MOXD1: variants seen among roughly 807,000 people sequenced by gnomAD.
MOXD1 encodes the protein DBH-like monooxygenase protein 1.
A neutral mutation model predicts 66.6 loss-of-function variants in MOXD1; 62 were observed. The observed-to-expected ratio is 0.93, with a 90% CI of 0.76 to 1.15. The LOEUF is 1.15. MOXD1 is among the 50% of genes most tolerant of loss of function. The probability of loss-of-function intolerance (pLI) is 0.00; values close to 1 mark genes in which losing one functional copy is unlikely to be tolerated. For missense variants in MOXD1, 847 were observed against 754.6 expected, an observed-to-expected ratio of 1.12 and a Z score of -1.44; for synonymous variants, 303 against 281.9, an observed-to-expected ratio of 1.07 and a Z score of -0.75.
intron 1 of MOXD1, among the ~76,000 whole-genome samples, chr6:132,397,487 T>G (rs1776911714): frequency 6.6e-6 from 1 of 152,168 alleles, no homozygotes; most frequent in Non-Finnish European, 1.5e-5. Context: ...CAGATTAGGC[T>G]GTCTATAAGA....
At chr6:132,386,334 G>A (rs1305353409) in intron 1 of MOXD1, among the ~76,000 whole-genome samples, 1 of 149,500 alleles carries the variant, frequency 6.7e-6, no homozygotes, top group African/African-American at 2.5e-5. Context: ...CCCGGGAGGC[G>A]GAGCTTGCAG....
intron 4 of MOXD1, among the ~76,000 whole-genome samples, chr6:132,331,732 CCA>C (rs1775323257): frequency 6.6e-6 from 1 of 152,164 alleles, no homozygotes; most frequent in Non-Finnish European, 1.5e-5. Context: ...GCCCAAAGTA[CCA>C]CAGCTGGGAA....
At position 132,303,865 on chromosome 6, in the gene MOXD1, ATATATATATATATACATATAT is replaced by A. The variant is rs1562276494; in HGVS notation, c.1509-5931_1509-5911del. Among the ~76,000 whole-genome samples the A allele has an allele frequency of 2.9e-3, 170 of 58,312 alleles. 2 individuals are homozygous for A. The highest frequency in any genetic ancestry group is 0.028 in the African/African-American group (167 of 5,922). 38.3% of individuals were successfully genotyped at this position (58,312 alleles called of 152,430 possible). Reference sequence around the variant, plus strand: ...TATATATATATATATATATATATATATATATATATATATACATATATACATAAAACCTTAGGACAATTCTCT... The same window carrying A: ...TATATATATATATATATATATATATAACATAAAACCTTAGGACAATTCTCT... On this transcript the variant is annotated intron_variant, in intron 10 of 11. Coordinates refer to ENST00000367963, the MANE Select transcript of MOXD1 (RefSeq NM_015529.4).
At position 132,401,361 on chromosome 6, in the gene MOXD1, G is replaced by A; in HGVS notation, c.66C>T (p.Gly22=). The change falls in exon 1 of 12, where the codon GGC becomes GGT. Residue 22 remains glycine (G), a synonymous_variant. Transcript: ENST00000367963. ...LLPGTAAGGS[G]RTYPHRTLLD... is the part of the protein sequence containing the mutation. ...GGAGGGTCCGGTGCGGATAGGTTCG[G>A]CCCGAGCCCCCCGCCGCCGTCCCGG... The A allele has an allele frequency of 6.4e-7, 1 of 1,556,546 alleles. No individual in the cohort carries two copies. The highest frequency in any genetic ancestry group is 1.2e-5 in the South Asian group (1 of 84,886).
At chr6:132,346,363 A>G (rs1775668682) in intron 4 of MOXD1, among the ~76,000 whole-genome samples, 1 of 152,194 alleles carries the variant, frequency 6.6e-6, no homozygotes, top group African/African-American at 2.4e-5. Context: ...ATATTATTTT[A>G]GCACTTATTC....
At chr6:132,380,676 T>A (rs1333149732) in intron 1 of MOXD1, among the ~76,000 whole-genome samples, 3 of 152,234 alleles carry the variant, frequency 2.0e-5, no homozygotes, top group Admixed American at 1.3e-4. Context: ...AAGTTAATCT[T>A]AGTATTTCAG....
At chr6:132,372,567 A>G in intron 4 of MOXD1, 41 bp downstream of exon 4, 1 of 1,465,512 alleles carries the variant, frequency 6.8e-7, no homozygotes, top group Non-Finnish European at 9.5e-7. Flanking sequence ...TTATTTTTCC[A>G]CTCATGAAAA....
chr6:132,327,654 C>T (rs1267204778), intron 6 of MOXD1, among the ~76,000 whole-genome samples: 1 of 152,160 alleles, frequency 6.6e-6, no homozygotes, highest in Admixed American at 6.6e-5. Context: ...GTAACTTTTT[C>T]TTACGTGCAG....
At position 132,338,593 on chromosome 6, in the gene MOXD1, C is replaced by G. The variant is rs1041625499; in HGVS notation, c.664-9999G>C. On this transcript the variant is annotated intron_variant, in intron 4 of 11. Coordinates refer to ENST00000367963, the MANE Select transcript of MOXD1 (RefSeq NM_015529.4). ...TGCCTTACTCTCCCCACCAGCCAAC[C>G]CCCGACCCAGTGTTTTCTCCTGGCA... Among the ~76,000 whole-genome samples the G allele has an allele frequency of 1.9e-3, 291 of 152,300 alleles. 3 individuals carry two copies. The highest frequency in any genetic ancestry group is 6.9e-4 in the Non-Finnish European group (47 of 68,024).
chr6:132,320,888 C>T (rs1020982480), intron 8 of MOXD1, among the ~76,000 whole-genome samples, 200 bp from the exon 9 acceptor site: 12 of 152,202 alleles, frequency 7.9e-5, no homozygotes, highest in African/African-American at 2.7e-4. Context: ...TCTGTGTTTC[C>T]ACCAGACTCC....
intron 4 of MOXD1, among the ~76,000 whole-genome samples, chr6:132,356,854 G>A (rs1032136173): frequency 1.3e-4 from 19 of 151,992 alleles, no homozygotes; most frequent in Admixed American, 1.2e-3. Context: ...TCAGCATAAA[G>A]TTTTAGAAAA....
At chr6:132,306,211 A>G (rs565218077) in intron 10 of MOXD1, among the ~76,000 whole-genome samples, 1 of 152,220 alleles carries the variant, frequency 6.6e-6, no homozygotes, top group African/African-American at 2.4e-5. Flanking sequence ...GAATTTCATG[A>G]AGCATACACA....
Position 132,336,510 on chromosome 6 carries a change from C to T in MOXD1, c.664-7916G>A, listed in dbSNP as rs117119856. Among the ~76,000 whole-genome samples the T allele has an allele frequency of 4.5e-3, 689 of 152,270 alleles. 1 individual carries two copies. Among genetic ancestry groups the T allele is most frequent in the Non-Finnish European group, 6.2e-3 (419 of 68,008 alleles). On this transcript the variant is annotated intron_variant, in intron 4 of 11. Transcript: ENST00000367963. The stretch of plus-strand genomic sequence containing the variant: ...GCCGTATCCTCATCCCTAACAGGAA[C>T]GGCTCTTTTAGCCTGACAATGTATC...
At chr6:132,351,369 G>T (rs951384943) in intron 4 of MOXD1, among the ~76,000 whole-genome samples, 1 of 152,058 alleles carries the variant, frequency 6.6e-6, no homozygotes, top group Admixed American at 6.6e-5. Context: ...AGATTTTGTT[G>T]GATGCTTTTT....
chr6:132,364,773 A>C (rs1776084354), intron 4 of MOXD1, among the ~76,000 whole-genome samples: 1 of 152,172 alleles, frequency 6.6e-6, no homozygotes, highest in Non-Finnish European at 1.5e-5. Context: ...CACTCTACAG[A>C]TACTGCCTTC....
At chr6:132,305,210 G>A (rs1397801665) in intron 10 of MOXD1, among the ~76,000 whole-genome samples, 2 of 152,264 alleles carry the variant, frequency 1.3e-5, no homozygotes. Flanking sequence ...TTGGTCACAA[G>A]ACTTGTTCCC....
intron 10 of MOXD1, among the ~76,000 whole-genome samples, chr6:132,312,015 C>T (rs932536070): frequency 1.3e-5 from 2 of 152,094 alleles, no homozygotes; most frequent in African/African-American, 4.8e-5. Context: ...CCATTACTTA[C>T]ATCTCACCAG....
At chr6:132,366,172 T>A (rs1776118406) in intron 4 of MOXD1, among the ~76,000 whole-genome samples, 1 of 152,130 alleles carries the variant, frequency 6.6e-6, no homozygotes, top group Non-Finnish European at 1.5e-5. Context: ...ATGGAAAGTA[T>A]TTTCACGTAA....
At chr6:132,322,051 T>C (rs1467237827) in intron 8 of MOXD1, among the ~76,000 whole-genome samples, 2 of 152,198 alleles carry the variant, frequency 1.3e-5, no homozygotes, top group Non-Finnish European at 2.9e-5. Context: ...ATCTGACTTT[T>C]AAAAGTAAAA....
Sources: allele counts gnomAD v4.1 joint callset (sites outside exome capture counted in the v4.1 genomes callset), GRCh38; gene constraint gnomAD v4.1.1; transcripts MANE v1.5; gene names NCBI Gene and HGNC (gene_info 2026-07-23, HGNC 2026-07-21).